The following ADCY2 variants were observed in gnomAD, a reference collection of about 807,000 sequenced individuals.
The protein encoded by ADCY2 is adenylate cyclase 2.
Under a neutral mutation model 125.2 loss-of-function variants are expected in ADCY2, and 31 were observed. The ratio of observed to expected loss-of-function variants is 0.25; its 90% CI spans 0.19 to 0.33. The LOEUF (loss-of-function observed/expected upper bound fraction) is 0.33, where lower values mean the gene tolerates loss of function less well. Among genes scored for constraint, ADCY2 ranks in the 10% least tolerant of loss-of-function variants. ADCY2 has a pLI of 1.00. For missense variants in ADCY2, 904 were observed against 1,418.2 expected (o/e 0.64, Z 5.82); for synonymous variants, 512 against 548.4 (o/e 0.93, Z 0.93).
intron 15 of ADCY2, among the ~76,000 whole-genome samples, chr5:7,755,842 C>T (rs1307480124): frequency 6.6e-6 from 1 of 152,152 alleles, no homozygotes; most frequent in Non-Finnish European, 1.5e-5. Flanking sequence ...AGGAACAATA[C>T]AAAAATAAGA....
chr5:7,584,908 A>T (rs1736575595), intron 3 of ADCY2, among the ~76,000 whole-genome samples: 2 of 152,238 alleles, frequency 1.3e-5, no homozygotes, highest in Non-Finnish European at 2.9e-5. Context: ...TCACTATTGA[A>T]AGTGATGCAG....
At chr5:7,713,512 A>G (rs1280644045) in intron 11 of ADCY2, among the ~76,000 whole-genome samples, 1 of 152,032 alleles carries the variant, frequency 6.6e-6, no homozygotes, top group African/African-American at 2.4e-5. Context: ...AAAAAATAAA[A>G]AGAAAAAAGT....
intron 4 of ADCY2, among the ~76,000 whole-genome samples, chr5:7,679,469 G>A (rs1306782427): frequency 3.9e-5 from 6 of 152,204 alleles, no homozygotes; most frequent in Non-Finnish European, 8.8e-5. Flanking sequence ...GACCCCCACT[G>A]CAGAAGAGAA....
At chr5:7,476,363 G>C (rs941181412) in intron 2 of ADCY2, among the ~76,000 whole-genome samples, 1 of 152,298 alleles carries the variant, frequency 6.6e-6, no homozygotes, top group South Asian at 2.1e-4. Flanking sequence ...TGTTGTGGGA[G>C]GACATGGAGC....
intron 2 of ADCY2, among the ~76,000 whole-genome samples, chr5:7,517,468 G>T (rs1200289983): frequency 6.6e-6 from 1 of 152,142 alleles, no homozygotes; most frequent in Non-Finnish European, 1.5e-5. Flanking sequence ...AAAAAAATGA[G>T]AACTCTTTGA....
At chr5:7,719,117 C>A (rs1348142765) in intron 12 of ADCY2, among the ~76,000 whole-genome samples, 1 of 152,172 alleles carries the variant, frequency 6.6e-6, no homozygotes, top group Non-Finnish European at 1.5e-5. Flanking sequence ...TCCTACCAAA[C>A]AAATCATCAG....
At chr5:7,419,848 C>G (rs1252512264) in intron 2 of ADCY2, among the ~76,000 whole-genome samples, 1 of 152,170 alleles carries the variant, frequency 6.6e-6, no homozygotes, top group Non-Finnish European at 1.5e-5. Context: ...ATGGTCTGGA[C>G]CCAGTGCCAG....
chr5:7,563,810 A>G (rs4524477), intron 3 of ADCY2, among the ~76,000 whole-genome samples: 95,647 of 151,970 alleles, frequency 0.63, 30,810 homozygotes, highest in Non-Finnish European at 0.69. Context: ...TAAGGTTTAG[A>G]GGAGTAAGGA....
chr5:7,522,925 CA>C (rs10714681), intron 3 of ADCY2, among the ~76,000 whole-genome samples: 117,850 of 145,356 alleles, frequency 0.81, 48,366 homozygotes, highest in Non-Finnish European at 0.89. Context: ...AACTCCGTCT[CA>C]AAAAAAAAAC....
At chr5:7,718,394 C>T (rs370540318) in intron 12 of ADCY2, among the ~76,000 whole-genome samples, 6 of 152,068 alleles carry the variant, frequency 3.9e-5, no homozygotes, top group East Asian at 1.9e-4. Flanking sequence ...ATGATCCACC[C>T]GCCTCAGCCT....
intron 20 of ADCY2, among the ~76,000 whole-genome samples, chr5:7,790,940 C>G (rs1012425135): frequency 6.6e-6 from 1 of 152,004 alleles, no homozygotes; most frequent in African/African-American, 2.4e-5. Flanking sequence ...CTGCTTGAGC[C>G]GAGGGATGAT....
chr5:7,403,856 C>A (rs771600068), intron 1 of ADCY2, among the ~76,000 whole-genome samples: 1 of 151,686 alleles, frequency 6.6e-6, no homozygotes, highest in Non-Finnish European at 1.5e-5. Flanking sequence ...TATCAAAATT[C>A]TACATATGGT....
chr5:7,493,422 G>C (rs564257926), intron 2 of ADCY2, among the ~76,000 whole-genome samples: 2 of 152,094 alleles, frequency 1.3e-5, no homozygotes, highest in Non-Finnish European at 2.9e-5. Context: ...AGGGGGTATC[G>C]GGTGCCTTTA....
At chr5:7,681,293 A>T (rs1740326817) in intron 4 of ADCY2, among the ~76,000 whole-genome samples, 2 of 152,210 alleles carry the variant, frequency 1.3e-5, no homozygotes, top group Middle Eastern at 3.2e-3. Context: ...TCTTGGTATC[A>T]ACTACATCAG....
intron 2 of ADCY2, among the ~76,000 whole-genome samples, chr5:7,432,837 T>G (rs1415558438): frequency 1.3e-5 from 2 of 152,196 alleles, no homozygotes; most frequent in African/African-American, 4.8e-5. Context: ...TTTATCTCAA[T>G]TGTGGTGATA....
chr5:7,513,053 GA>G (rs1302812849), intron 2 of ADCY2, among the ~76,000 whole-genome samples: 3 of 144,788 alleles, frequency 2.1e-5, no homozygotes, highest in African/African-American at 7.6e-5. Context: ...GAATTTCAGT[GA>G]GGGAGAATAT....
At chr5:7,784,337 G>T in intron 18 of ADCY2, 28 bp from the exon 19 acceptor site, 2 of 1,544,234 alleles carry the variant, frequency 1.3e-6, no homozygotes, top group Non-Finnish European at 1.8e-6. Context: ...TTGCATTGTT[G>T]TCTGTTTGTC....
chr5:7,476,845 G>A (rs756938266), intron 2 of ADCY2, among the ~76,000 whole-genome samples: 1 of 152,122 alleles, frequency 6.6e-6, no homozygotes, highest in African/African-American at 2.4e-5. Context: ...AAAATATTGT[G>A]CATCTAATTG....
intron 2 of ADCY2, among the ~76,000 whole-genome samples, chr5:7,495,510 A>G (rs1743315074): frequency 6.6e-6 from 1 of 152,260 alleles, no homozygotes; most frequent in Admixed American, 6.5e-5. Flanking sequence ...CCAGAAAATG[A>G]ATCTAAATCT....
Sources: allele counts gnomAD v4.1 joint callset (sites outside exome capture counted in the v4.1 genomes callset), GRCh38; gene constraint gnomAD v4.1.1; transcripts MANE v1.5; gene names NCBI Gene and HGNC (gene_info 2026-07-23, HGNC 2026-07-21).